CADPS: variants seen among roughly 807,000 people sequenced by gnomAD.
CADPS encodes calcium dependent secretion activator.
Under a neutral mutation model 167.3 loss-of-function variants are expected in CADPS, and 57 were observed. The ratio of observed to expected loss-of-function variants is 0.34; its 90% confidence interval spans 0.28 to 0.42. The LOEUF is 0.42. Among genes scored for constraint, CADPS ranks in the 20% least tolerant of loss-of-function variants. CADPS has a pLI of 1.00. For missense variants in CADPS, 1,414 were observed against 1,738.1 expected (o/e 0.81, Z 3.32); for synonymous variants, 676 against 635.3 (o/e 1.06, Z -0.96).
At position 62,412,973 on chromosome 3, in the gene CADPS, T is replaced by C. The variant is rs1173473536; in HGVS notation, c.3778-9788A>G. 6.6e-6 allele frequency among the ~76,000 whole-genome samples: 1 copy of C among 152,152 alleles called. No individual in the cohort carries two copies. The highest frequency in any genetic ancestry group is 1.5e-5 in the Non-Finnish European group (1 of 68,038). On this transcript the variant is annotated intron_variant, in intron 28 of 29. Coordinates refer to ENST00000383710, the MANE Select transcript of CADPS (RefSeq NM_003716.4). The surrounding 1 kb of genome is among the most constrained non-coding windows in gnomAD (Gnocchi z 4.1). The stretch of plus-strand genomic sequence containing the variant: ...CCCCCTTTATCCTACCCAATCCCAC[T>C]TTTCAATATGGCGGGTGGTCATCAG...
intron 3 of CADPS, among the ~76,000 whole-genome samples, chr3:62,714,096 C>G (rs917697668): frequency 2.2e-4 from 33 of 152,004 alleles, no homozygotes; most frequent in African/African-American, 8.0e-4. Flanking sequence ...GAGCTGGGAA[C>G]TACAAAACAT....
chr3:62,715,167 G>A (rs998465161), intron 3 of CADPS, among the ~76,000 whole-genome samples: 1 of 152,134 alleles, frequency 6.6e-6, no homozygotes, highest in African/African-American at 2.4e-5. Flanking sequence ...GGGGTGCAAA[G>A]ATGAAACAAG....
chr3:62,793,389 T>A (rs565378532), intron 1 of CADPS, among the ~76,000 whole-genome samples: 1 of 152,332 alleles, frequency 6.6e-6, no homozygotes, highest in South Asian at 2.1e-4. Flanking sequence ...AATTTATCCA[T>A]GAATTGAATT....
intron 24 of CADPS, among the ~76,000 whole-genome samples, chr3:62,473,353 A>G (rs1337370867): frequency 1.3e-5 from 2 of 152,210 alleles, no homozygotes; most frequent in African/African-American, 4.8e-5. Context: ...TAAATAACGA[A>G]TAAGGAGCAA....
intron 11 of CADPS, among the ~76,000 whole-genome samples, chr3:62,546,154 T>C (rs2076417049): frequency 6.6e-6 from 1 of 152,140 alleles, no homozygotes; most frequent in South Asian, 2.1e-4. Flanking sequence ...CATTTTTTGT[T>C]AGCTAGAGAA....
At chr3:62,545,176 AT>A (rs528417958) in intron 11 of CADPS, among the ~76,000 whole-genome samples, 97 of 152,244 alleles carry the variant, frequency 6.4e-4, no homozygotes, top group African/African-American at 2.2e-3. Context: ...AAAATGACTC[AT>A]TGCAAGTGAT....
Position 62,797,329 on chromosome 3 carries a change from T to G in CADPS, c.442-31345A>C, listed in dbSNP as rs144675895. ...GGTTTCCTCATGGGTAGAGATCAAG[T>G]CTTGCCTTCTGTGTGACTGCTCCCC... On this transcript the variant is annotated intron_variant, in intron 1 of 29. Coordinates refer to ENST00000383710, the MANE Select transcript of CADPS (RefSeq NM_003716.4). 5.6e-3 allele frequency among the ~76,000 whole-genome samples: 854 copies of G among 152,244 alleles called. 7 individuals carry two copies. Among genetic ancestry groups the G allele is most frequent in the African/African-American group, 0.019 (806 of 41,554 alleles).
chr3:62,618,874 T>C (rs951576158), intron 6 of CADPS, among the ~76,000 whole-genome samples: 1 of 152,206 alleles, frequency 6.6e-6, no homozygotes, highest in Non-Finnish European at 1.5e-5. Context: ...ATGCTAGACA[T>C]TTCAAGTACT....
At chr3:62,720,097 A>G (rs2075459322) in intron 3 of CADPS, among the ~76,000 whole-genome samples, 1 of 152,212 alleles carries the variant, frequency 6.6e-6, no homozygotes, top group South Asian at 2.1e-4. Context: ...AGGTACTGAG[A>G]GTTTGAACTG....
chr3:62,656,641 T>C (rs996471887), intron 4 of CADPS, among the ~76,000 whole-genome samples: 3 of 152,154 alleles, frequency 2.0e-5, no homozygotes. Context: ...CAATGGCCAT[T>C]CCACCATTAC....
intron 24 of CADPS, 177 bp downstream of exon 24, chr3:62,473,996 C>G (rs972787017): frequency 1.9e-6 from 1 of 518,572 alleles, no homozygotes; most frequent in Admixed American, 3.7e-5. Context: ...CAGCACATGC[C>G]TTAGAAATCT....
chr3:62,555,474 G>A (rs183159785), intron 10 of CADPS, among the ~76,000 whole-genome samples: 3 of 152,192 alleles, frequency 2.0e-5, no homozygotes, highest in Non-Finnish European at 4.4e-5. Flanking sequence ...CGTGACATGG[G>A]TTAGACCCGG....
chr3:62,756,996 C>T (rs1379928213), intron 2 of CADPS, among the ~76,000 whole-genome samples: 3 of 152,084 alleles, frequency 2.0e-5, no homozygotes, highest in Non-Finnish European at 4.4e-5. Context: ...GGACACGGCA[C>T]AAACCAGTTC....
chr3:62,594,597 T>C (rs1370236030), intron 6 of CADPS, among the ~76,000 whole-genome samples: 1 of 152,206 alleles, frequency 6.6e-6, no homozygotes, highest in Non-Finnish European at 1.5e-5. Context: ...GGGGTCTGAC[T>C]CTGTTGTCCA....
At chr3:62,513,279 G>T (rs373014665) in intron 16 of CADPS, among the ~76,000 whole-genome samples, 2 of 151,992 alleles carry the variant, frequency 1.3e-5, no homozygotes, top group Admixed American at 6.6e-5. Flanking sequence ...GACACCTAAC[G>T]CATTGCTCCC....
intron 28 of CADPS, among the ~76,000 whole-genome samples, chr3:62,437,044 C>T (rs1399071009): frequency 6.6e-6 from 1 of 150,786 alleles, no homozygotes; most frequent in Non-Finnish European, 1.5e-5. Flanking sequence ...AATTGCTGAA[C>T]ACAATCACAG....
intron 26 of CADPS, among the ~76,000 whole-genome samples, chr3:62,449,692 A>C (rs2057756358): frequency 6.6e-6 from 1 of 152,208 alleles, no homozygotes; most frequent in Non-Finnish European, 1.5e-5. Flanking sequence ...TTACATTATA[A>C]TAAGATATTG....
intron 1 of CADPS, among the ~76,000 whole-genome samples, chr3:62,871,027 A>G (rs920888568): frequency 6.6e-6 from 1 of 152,144 alleles, no homozygotes; most frequent in Non-Finnish European, 1.5e-5. Context: ...TTGGTCATAA[A>G]TTATTTCGCC....
intron 6 of CADPS, among the ~76,000 whole-genome samples, chr3:62,619,400 G>T (rs550194436): frequency 6.6e-6 from 1 of 152,070 alleles, no homozygotes; most frequent in Non-Finnish European, 1.5e-5. Flanking sequence ...AGCCCTACAC[G>T]TGCTGCATTC....
Sources: allele counts gnomAD v4.1 joint callset (sites outside exome capture counted in the v4.1 genomes callset), GRCh38; gene constraint gnomAD v4.1.1; non-coding constraint Gnocchi (gnomAD v3.1); transcripts MANE v1.5; gene names NCBI Gene and HGNC (gene_info 2026-07-23, HGNC 2026-07-21).